The following GANC variants were observed in gnomAD, a reference collection of about 807,000 sequenced individuals.
GANC encodes neutral alpha-glucosidase C.
In GANC, 117 loss-of-function variants were observed where a neutral mutation model predicts 124.2. The ratio of observed to expected loss-of-function variants is 0.94; its 90% CI spans 0.81 to 1.10. GANC has a LOEUF of 1.10. Among genes scored for constraint, GANC ranks in the 50% least tolerant of loss-of-function variants. GANC has a pLI of 0.00. For missense variants in GANC, 1,140 were observed against 1,095.0 expected, an observed-to-expected ratio of 1.04 and a Z score of -0.58; for synonymous variants, 377 against 376.8, an observed-to-expected ratio of 1.00 and a Z score of -0.01.
Position 42,353,350 on chromosome 15 carries a change from C to G in GANC, c.*1211C>G. ...ATATCCTCCTGCCCTTACCATCCTT[C>G]CAGGCCCAACTTAAATCCCACTTTC... On this transcript the variant is annotated 3_prime_UTR_variant, in exon 24 of 24. Coordinates refer to ENST00000318010, the MANE Select transcript of GANC (RefSeq NM_198141.3). 1 of 986,158 alleles carries G rather than the reference C, an allele frequency of 1.0e-6. No homozygotes were observed. Among genetic ancestry groups the G allele is most frequent in the Non-Finnish European group, 1.2e-6 (1 of 830,098 alleles). The allele number at this position is 986,158 out of a possible 1,614,324, so 61.1% of individuals were successfully genotyped here.
chr15:42,336,327 T>C (rs1221460689), intron 15 of GANC, among the ~76,000 whole-genome samples: 1 of 151,994 alleles, frequency 6.6e-6, no homozygotes, highest in Non-Finnish European at 1.5e-5. Context: ...GAAATAAGGT[T>C]GCACACCTAC....
chr15:42,345,892 C>A, intron 20 of GANC, 60 bp downstream of exon 20: 1 of 1,195,222 alleles, frequency 8.4e-7, no homozygotes, highest in Non-Finnish European at 1.2e-6. Flanking sequence ...GCTAGGGCTG[C>A]CATGACAAAA....
intron 1 of GANC, among the ~76,000 whole-genome samples, chr15:42,275,415 C>G (rs1443221917): frequency 1.3e-5 from 2 of 152,158 alleles, no homozygotes; most frequent in Non-Finnish European, 2.9e-5. Context: ...CGGACAAAGA[C>G]TGAGTTCAGT....
chr15:42,327,710 A>T (rs1290990145), intron 13 of GANC, among the ~76,000 whole-genome samples: 1 of 152,172 alleles, frequency 6.6e-6, no homozygotes, highest in Admixed American at 6.5e-5. Flanking sequence ...GAGGTTTATT[A>T]TATTTTCAAA....
rs150922304 is a variant in GANC, at chr15:42,292,933, A to G, written c.512+16A>G. 9 of 1,609,824 alleles carry G rather than the reference A, an allele frequency of 5.6e-6. No individual in the cohort carries two copies. Among genetic ancestry groups the G allele is most frequent in the Non-Finnish European group, 7.7e-6 (9 of 1,176,430 alleles). On this transcript the variant is annotated intron_variant, in intron 5 of 23. Coordinates refer to ENST00000318010, the MANE Select transcript of GANC (RefSeq NM_198141.3). Reference sequence around the variant, plus strand: ...ACAAACAAAGGTATTCTTATGCATTACTTGACACATAAAGACCTTAACATA... The same window carrying G: ...ACAAACAAAGGTATTCTTATGCATTGCTTGACACATAAAGACCTTAACATA...
In GANC at chr15:42,326,310, A is replaced by G; in HGVS notation, c.1306A>G (p.Ser436Gly). 7 of 1,613,048 alleles carry G rather than the reference A, an allele frequency of 4.3e-6. No homozygotes were observed. The highest frequency in any genetic ancestry group is 1.1e-5 in the South Asian group (1 of 91,030). The change falls in exon 12 of 24, where the codon AGT becomes GGT. Residue 436 changes from serine (S) to glycine (G), a missense_variant. Coordinates refer to ENST00000318010, the MANE Select transcript of GANC (RefSeq NM_198141.3). ...RSKKRKLVVI[S>G]DPHIKIDPDY... ...CATGTCCTGACAGCTTGTGGTCATC[A>G]GTGATCCCCACATCAAGATTGATCC...
intron 2 of GANC, 86 bp downstream of exon 2, chr15:42,276,496 G>T: frequency 1.6e-6 from 1 of 640,262 alleles, no homozygotes; most frequent in East Asian, 2.7e-5. Context: ...GGAACTGATA[G>T]ACTTTCCAAG....
At chr15:42,349,355 C>T (rs2052399213) in intron 21 of GANC, 28 bp from the exon 22 acceptor site, 3 of 1,308,532 alleles carry the variant, frequency 2.3e-6, no homozygotes, top group South Asian at 2.4e-5. Flanking sequence ...CATATAAGCA[C>T]ATTCTGTCTC....
intron 10 of GANC, chr15:42,314,836 C>T (rs1170914599): frequency 2.6e-5 from 4 of 152,198 alleles, no homozygotes; most frequent in Non-Finnish European, 5.9e-5. Flanking sequence ...CTTACTTACA[C>T]TACTGTGGAA....
At chr15:42,301,714 T>G (rs1415224565) in intron 6 of GANC, among the ~76,000 whole-genome samples, 1 of 152,158 alleles carries the variant, frequency 6.6e-6, no homozygotes, top group Non-Finnish European at 1.5e-5. Flanking sequence ...GGTTTTCCCC[T>G]CACAGTCTAA....
intron 4 of GANC, among the ~76,000 whole-genome samples, chr15:42,288,926 T>C (rs1015714517): frequency 6.6e-6 from 1 of 152,216 alleles, no homozygotes; most frequent in African/African-American, 2.4e-5. Flanking sequence ...TATTTTCTAC[T>C]ATCCTGAAGG....
chr15:42,332,845 C>G (rs1475214306), intron 15 of GANC, among the ~76,000 whole-genome samples: 1 of 87,978 alleles, frequency 1.1e-5, no homozygotes, highest in African/African-American at 3.8e-5. Flanking sequence ...GAAACCCTGT[C>G]TCTACTAAAA....
chr15:42,310,101 A>G (rs1290976319), intron 8 of GANC, among the ~76,000 whole-genome samples, 182 bp from the exon 9 acceptor site: 1 of 152,148 alleles, frequency 6.6e-6, no homozygotes, highest in Non-Finnish European at 1.5e-5. Context: ...GTGCCAAAGG[A>G]GTCAAGGGAA....
At chr15:42,306,835 C>T (rs2052001473) in intron 7 of GANC, among the ~76,000 whole-genome samples, 1 of 152,130 alleles carries the variant, frequency 6.6e-6, no homozygotes, top group Non-Finnish European at 1.5e-5. Context: ...CCACACGGAG[C>T]TTATGGTCTC....
chr15:42,275,920 A>G (rs554929386), intron 1 of GANC, among the ~76,000 whole-genome samples: 32 of 152,316 alleles, frequency 2.1e-4, no homozygotes, highest in African/African-American at 6.0e-4. Flanking sequence ...GAATATTCTG[A>G]AAATATTTTC....
chr15:42,329,807 T>C (rs1016195006), intron 14 of GANC, among the ~76,000 whole-genome samples: 7 of 152,208 alleles, frequency 4.6e-5, no homozygotes, highest in Non-Finnish European at 1.0e-4. Flanking sequence ...AAAACAAGTG[T>C]TTTAAGATTT....
At chr15:42,277,623 C>T (rs570820839) in intron 2 of GANC, among the ~76,000 whole-genome samples, 112 of 151,494 alleles carry the variant, frequency 7.4e-4, no homozygotes, top group Non-Finnish European at 1.3e-3. Flanking sequence ...TTTTTTGAGA[C>T]GGAGTCTCCC....
chr15:42,348,820 A>G (rs1038510594), intron 21 of GANC, among the ~76,000 whole-genome samples: 1 of 152,180 alleles, frequency 6.6e-6, no homozygotes, highest in Non-Finnish European at 1.5e-5. Context: ...AAAATAATTC[A>G]GTTGTAGGGT....
chr15:42,295,535 A>C (rs919110950), intron 5 of GANC, among the ~76,000 whole-genome samples: 1 of 152,014 alleles, frequency 6.6e-6, no homozygotes, highest in Non-Finnish European at 1.5e-5. Flanking sequence ...TGTGACATAA[A>C]CTGAAGAGCC....
Sources: gnomAD v4.1 joint callset for allele counts (sites outside exome capture counted in the v4.1 genomes callset) on GRCh38, gnomAD v4.1.1 for gene constraint, MANE v1.5 for transcripts, NCBI Gene and HGNC (gene_info 2026-07-23, HGNC 2026-07-21) for gene names.